ELAVL4: variants seen among roughly 807,000 people sequenced by gnomAD.
The protein encoded by ELAVL4 is ELAV-like protein 4.
A neutral mutation model predicts 35.6 loss-of-function variants in ELAVL4; 1 was observed. The observed-to-expected ratio is 0.03, with a 90% CI of 0.01 to 0.13. The LOEUF is 0.13. ELAVL4 is among the 10% of genes least tolerant of loss of function. The pLI, the probability that ELAVL4 is intolerant of heterozygous loss-of-function variation, is 1.00. For missense variants in ELAVL4, 267 were observed against 464.9 expected (o/e 0.57, Z 3.91); for synonymous variants, 156 against 171.0 (o/e 0.91, Z 0.69).
In ELAVL4 at chr1:50,130,734, G is replaced by A. The variant is rs574801737; in HGVS notation, c.10-14223G>A. On this transcript the variant is annotated intron_variant, in intron 1 of 6. Transcript: ENST00000371824. ...TCTTTCTCTCTCCTTCATATCTCTG[G>A]CATTCAACATAATGGTTTCTGGCCC... is the stretch of plus-strand genomic sequence containing the variant. Among the ~76,000 whole-genome samples, 274 of 151,916 alleles carry A rather than the reference G, an allele frequency of 1.8e-3. 1 individual carries two copies. The highest frequency in any genetic ancestry group is 3.0e-3 in the Admixed American group (46 of 15,238).
At chr1:50,188,754 C>T (rs548378230) in intron 3 of ELAVL4, among the ~76,000 whole-genome samples, 3 of 152,302 alleles carry the variant, frequency 2.0e-5, no homozygotes, top group Admixed American at 6.5e-5. Flanking sequence ...GCATTTGAGC[C>T]TCACATGCCC....
chr1:50,185,616 A>G lies in ELAVL4; in HGVS notation c.355-8149A>G, dbSNP rs77097254. ...TCATCTGGAAAATGGAACTAATGAT[A>G]TCTTACTTGTAGGGAATCGTAGCTT... On this transcript the variant is annotated intron_variant, in intron 3 of 6. Transcript: ENST00000371824. 1.8e-3 allele frequency among the ~76,000 whole-genome samples: 271 copies of G among 152,314 alleles called. 9 individuals carry two copies. In the East Asian group the frequency reaches 0.047, roughly 26 times the overall value.
chr1:50,093,860 C>T (rs1052949387), intron 1 of ELAVL4, among the ~76,000 whole-genome samples: 3 of 152,154 alleles, frequency 2.0e-5, no homozygotes, highest in Admixed American at 2.0e-4. Context: ...AGTAAATACT[C>T]TGTGAATATT....
chr1:50,116,083 T>C (rs1667894468), intron 1 of ELAVL4, among the ~76,000 whole-genome samples: 1 of 152,152 alleles, frequency 6.6e-6, no homozygotes, highest in Non-Finnish European at 1.5e-5. Context: ...AGAGATCTTT[T>C]GGACATTTTA....
chr1:50,059,553 T>A lies in ELAVL4; in HGVS notation c.18+11371T>A, dbSNP rs551552996. Among the ~76,000 whole-genome samples the A allele has an allele frequency of 1.5e-3, 217 of 147,516 alleles. 1 individual carries two copies. Among genetic ancestry groups the A allele is most frequent in the South Asian group, 6.0e-3 (28 of 4,660 alleles). ...AAAAAGTATTGGTGAGGAGGTTTTT[T>A]AAAAAAAAAAACCGTTGGAGAAAAT... is the stretch of plus-strand genomic sequence containing the variant. On this transcript the variant is annotated intron_variant, in intron 1 of 6. Transcript: ENST00000448907.
chr1:50,113,809 G>A (rs1212821338), intron 1 of ELAVL4, among the ~76,000 whole-genome samples: 3 of 152,104 alleles, frequency 2.0e-5, no homozygotes, highest in African/African-American at 7.2e-5. Flanking sequence ...AAGTGTGTGT[G>A]TGCGAGAAAG....
intron 3 of ELAVL4, among the ~76,000 whole-genome samples, chr1:50,182,222 A>C (rs1557846756): frequency 6.6e-6 from 1 of 152,242 alleles, no homozygotes; most frequent in East Asian, 1.9e-4. Context: ...AATCAGGAAC[A>C]AAGAAAATTA....
intron 1 of ELAVL4, among the ~76,000 whole-genome samples, chr1:50,133,599 AAAAGAAAGAAAGAAAGAAAGAAAGAAAG>A (rs56304409): frequency 2.3e-5 from 3 of 129,178 alleles, no homozygotes; most frequent in South Asian, 2.7e-4. Flanking sequence ...AGAAAGAAAG[AAAAGAAAGAAAGAAAGAAAGAAAGAAAG>A]AAAGAAAGAA....
chr1:50,051,699 T>A (rs1436420355), intron 1 of ELAVL4, among the ~76,000 whole-genome samples: 1 of 152,192 alleles, frequency 6.6e-6, no homozygotes, highest in East Asian at 1.9e-4. Context: ...TATCAACTTG[T>A]GATTTTTTTA....
intron 1 of ELAVL4, among the ~76,000 whole-genome samples, chr1:50,051,103 T>C (rs1245003581): frequency 1.3e-5 from 2 of 152,146 alleles, no homozygotes; most frequent in Non-Finnish European, 2.9e-5. Context: ...ATCTCACTTA[T>C]CTAAACTTAG....
chr1:50,078,846 C>T (rs1434702355), intron 1 of ELAVL4, among the ~76,000 whole-genome samples: 1 of 152,152 alleles, frequency 6.6e-6, no homozygotes, highest in Non-Finnish European at 1.5e-5. Context: ...ACATGTGCGT[C>T]TGTTGGTGGC....
At chr1:50,182,440 CCAG>C (rs1681190441) in intron 3 of ELAVL4, among the ~76,000 whole-genome samples, 1 of 152,154 alleles carries the variant, frequency 6.6e-6, no homozygotes, top group African/African-American at 2.4e-5. Flanking sequence ...GGCTCTGCCT[CCAG>C]AAGCTCCTGT....
At chr1:50,069,658 C>T (rs1228349331) in intron 1 of ELAVL4, among the ~76,000 whole-genome samples, 4 of 152,192 alleles carry the variant, frequency 2.6e-5, no homozygotes, top group Admixed American at 6.5e-5. Context: ...CTTGAATCAA[C>T]GTCTGGGGTT....
chr1:50,063,137 C>T (rs186201109), intron 1 of ELAVL4, among the ~76,000 whole-genome samples: 1 of 152,272 alleles, frequency 6.6e-6, no homozygotes, highest in Admixed American at 6.5e-5. Flanking sequence ...TAGTCTTCCA[C>T]CTACAAAATG....
chr1:50,059,945 G>A (rs1204051013), intron 1 of ELAVL4, among the ~76,000 whole-genome samples: 1 of 152,162 alleles, frequency 6.6e-6, no homozygotes, highest in African/African-American at 2.4e-5. Context: ...AGGGGTTAGG[G>A]AGCAGGGGTG....
Position 50,144,942 on chromosome 1 carries a change from T to C in ELAVL4, c.10-15T>C. On this transcript the variant is annotated splice_polypyrimidine_tract_variant and intron_variant, in intron 1 of 6. Coordinates refer to ENST00000371824, the MANE Select transcript of ELAVL4 (RefSeq NM_001144774.3). The stretch of plus-strand genomic sequence containing the variant: ...ATTTCAAAAGGCTTTTTCAATTGTT[T>C]TTATTTTTATTTAGATAATTAGCAC... 1 of 1,599,936 alleles carries C rather than the reference T, an allele frequency of 6.3e-7. No individual in the cohort carries two copies.
intron 1 of ELAVL4, among the ~76,000 whole-genome samples, chr1:50,088,770 G>A (rs541206170): frequency 6.6e-6 from 1 of 152,174 alleles, no homozygotes; most frequent in East Asian, 1.9e-4. Context: ...TGCACTAGAA[G>A]CCAGGAAACA....
chr1:50,118,876 A>G (rs1379785482), intron 1 of ELAVL4, among the ~76,000 whole-genome samples: 8 of 146,020 alleles, frequency 5.5e-5, no homozygotes, highest in Non-Finnish European at 9.0e-5. Flanking sequence ...TCCTTAAAGT[A>G]GGGGAAGGGG....
chr1:50,080,922 C>A (rs896982996), intron 1 of ELAVL4, among the ~76,000 whole-genome samples: 2 of 152,186 alleles, frequency 1.3e-5, no homozygotes, highest in African/African-American at 4.8e-5. Context: ...GTACTTAAAA[C>A]TTTCATCTTG....
Sources: allele counts gnomAD v4.1 joint callset (sites outside exome capture counted in the v4.1 genomes callset), GRCh38; gene constraint gnomAD v4.1.1; transcripts MANE v1.5; gene names NCBI Gene and HGNC (gene_info 2026-07-23, HGNC 2026-07-21).